The following PADI1 variants were observed in gnomAD, a reference collection of about 807,000 sequenced individuals.
The protein encoded by PADI1 is protein-arginine deiminase type-1.
In PADI1, 65 loss-of-function variants were observed where a neutral mutation model predicts 74.8. The ratio of observed to expected loss-of-function variants is 0.87; its 90% CI spans 0.71 to 1.07. The LOEUF is 1.07. Ranked by LOEUF, PADI1 falls within the 50% of genes least tolerant of loss-of-function variation. PADI1 has a pLI of 0.00. For synonymous variants in PADI1, 371 were observed against 336.2 expected (o/e 1.10, Z -1.13); for missense variants, 943 against 854.0 (o/e 1.10, Z -1.30).
intron 1 of PADI1, among the ~76,000 whole-genome samples, chr1:17,215,960 C>T (rs58184841): frequency 0.036 from 5,433 of 152,224 alleles, 150 homozygotes; most frequent in African/African-American, 0.078. Flanking sequence ...ATTTGTGTCA[C>T]GCCATTTGCA....
At position 17,227,281 on chromosome 1, in the gene PADI1, C is replaced by T. The variant is rs968897225; in HGVS notation, c.652+1123C>T. 2.7e-5 allele frequency among the ~76,000 whole-genome samples: 4 copies of T among 150,148 alleles called. No individual in the cohort carries two copies. In the South Asian group the frequency reaches 8.4e-4, roughly 31 times the overall value. ...AGAAAAAATTGGCCGGGCCCAGTGG[C>T]TCATGCCTATAATTCCAGCACTTTG... On this transcript the variant is annotated intron_variant, in intron 6 of 15. Coordinates refer to ENST00000375471, the MANE Select transcript of PADI1 (RefSeq NM_013358.3).
intron 12 of PADI1, 39 bp downstream of exon 12, chr1:17,237,497 T>G: frequency 6.4e-7 from 1 of 1,564,224 alleles, no homozygotes; most frequent in Non-Finnish European, 8.7e-7. Context: ...ACCTCTGCCC[T>G]TGTCTGACCT....
rs1454875895 is a variant in PADI1 at position 17,230,117 on chromosome 1, T to C, written c.962T>C (p.Phe321Ser). 6.2e-7 allele frequency: 1 copy of C among 1,614,004 alleles called. No homozygotes were observed. Among genetic ancestry groups the C allele is most frequent in the Non-Finnish European group, 8.5e-7 (1 of 1,179,890 alleles). ...VMDTHGSNEKFLEDMSYLTLK... is the reference protein window; with the variant it reads ...VMDTHGSNEKSLEDMSYLTLK... ...GACACTCATGGCTCCAATGAGAAAT[T>C]CCTGGAGGACATGTCTTATCTGACA... Residue 321 changes from phenylalanine to serine, a missense_variant, in exon 9 of 16, where the codon TTC becomes TCC. Phe to Ser is a radical substitution (Grantham distance 155). Transcript: ENST00000375471.
chr1:17,205,336 CT>C, intron 1 of PADI1, 27 bp downstream of exon 1: 1 of 1,562,094 alleles, frequency 6.4e-7, no homozygotes, highest in Non-Finnish European at 8.8e-7. Context: ...GCTCTCCTGG[CT>C]GCAGAGAGCT....
chr1:17,206,926 C>A lies in PADI1; in HGVS notation c.92+1617C>A, dbSNP rs1432100366. Among the ~76,000 whole-genome samples, 4 of 152,080 alleles carry A rather than the reference C, an allele frequency of 2.6e-5. 1 individual carries two copies. Among genetic ancestry groups the A allele is most frequent in the Admixed American group, 2.6e-4 (4 of 15,276 alleles). On this transcript the variant is annotated intron_variant, in intron 1 of 15. Transcript: ENST00000375471. ...AAACTCCTGACCTCAAGTGATCAAC[C>A]CACCTCGGCCTCCCAAAGTGCTGGG...
chr1:17,240,276 C>A, intron 14 of PADI1: 1 of 244,624 alleles, frequency 4.1e-6, no homozygotes, highest in Admixed American at 5.0e-5. Context: ...GGCAGGAGGG[C>A]CCTTACCCCT....
At chr1:17,223,779 G>A in intron 3 of PADI1, 86 bp downstream of exon 3, 2 of 1,111,264 alleles carry the variant, frequency 1.8e-6, no homozygotes, top group Non-Finnish European at 2.7e-6. Flanking sequence ...CCTTGGAGTG[G>A]AAGACCCATG....
intron 15 of PADI1, among the ~76,000 whole-genome samples, chr1:17,242,102 C>A (rs2072789906): frequency 6.6e-6 from 1 of 152,210 alleles, no homozygotes; most frequent in Non-Finnish European, 1.5e-5. Context: ...TGTAGCTCTA[C>A]TTCTGTTTTA....
intron 1 of PADI1, among the ~76,000 whole-genome samples, chr1:17,207,900 G>T (rs2071724065): frequency 6.6e-6 from 1 of 152,256 alleles, no homozygotes; most frequent in Admixed American, 6.5e-5. Flanking sequence ...GCAGCATAAG[G>T]AAGAGCTTCC....
chr1:17,228,834 G>A, intron 7 of PADI1, 37 bp downstream of exon 7: 2 of 1,608,948 alleles, frequency 1.2e-6, no homozygotes, highest in Non-Finnish European at 8.5e-7. Flanking sequence ...AGGAGGCTGA[G>A]GGGTTTGGGG....
intron 11 of PADI1, 33 bp downstream of exon 11, chr1:17,233,003 A>C (rs779778940): frequency 1.2e-5 from 18 of 1,563,478 alleles, no homozygotes; most frequent in Non-Finnish European, 1.4e-5. Flanking sequence ...GGGGAGGCAC[A>C]AGGGAATGAC....
chr1:17,210,149 A>T (rs2071796971), intron 1 of PADI1, among the ~76,000 whole-genome samples: 1 of 151,376 alleles, frequency 6.6e-6, no homozygotes, highest in East Asian at 1.9e-4. Context: ...CTAAGTTTTT[A>T]TTTTATTTTA....
intron 2 of PADI1, among the ~76,000 whole-genome samples, chr1:17,222,983 C>T (rs1017523654): frequency 3.4e-5 from 4 of 118,184 alleles, no homozygotes; most frequent in African/African-American, 1.6e-4. Context: ...ATGGCCCTTT[C>T]TCCCCGACAG....
intron 1 of PADI1, among the ~76,000 whole-genome samples, chr1:17,207,471 T>C (rs1557444666): frequency 6.6e-6 from 1 of 152,198 alleles, no homozygotes. Flanking sequence ...GGAAGATAAA[T>C]GAGCCCATGC....
chr1:17,227,918 T>C (rs2072368498), intron 6 of PADI1, among the ~76,000 whole-genome samples: 1 of 152,370 alleles, frequency 6.6e-6, no homozygotes, highest in Non-Finnish European at 1.5e-5. Flanking sequence ...AATGGAACCA[T>C]ACAATAGGCT....
Position 17,228,719 on chromosome 1 carries a change from C to T in PADI1, c.747C>T (p.Phe249=). ...ERQPGEQEIK[F]YVEGLTFPDA... is the part of the protein sequence containing the mutation. The stretch of plus-strand genomic sequence containing the variant: ...AGCCAGGGGAGCAGGAGATCAAGTT[C>T]TATGTGGAGGGGCTGACCTTCCCCG... The change falls in exon 7 of 16, where the codon TTC becomes TTT. Residue 249 remains phenylalanine, a synonymous_variant. Transcript: ENST00000375471. 2.5e-6 allele frequency: 4 copies of T among 1,614,200 alleles called. No homozygotes were observed. Among genetic ancestry groups the T allele is most frequent in the Non-Finnish European group, 3.4e-6 (4 of 1,180,026 alleles).
chr1:17,212,295 C>T (rs1421233856), intron 1 of PADI1, among the ~76,000 whole-genome samples: 2 of 152,210 alleles, frequency 1.3e-5, no homozygotes, highest in East Asian at 1.9e-4. Context: ...CCTGGCCAGG[C>T]GTGCAGGGGA....
At chr1:17,214,247 T>C (rs1287742865) in intron 1 of PADI1, among the ~76,000 whole-genome samples, 4 of 152,116 alleles carry the variant, frequency 2.6e-5, no homozygotes, top group Non-Finnish European at 2.9e-5. Context: ...AGTGACCCAG[T>C]TGGAGGCCAT....
chr1:17,207,455 T>C (rs1481407924), intron 1 of PADI1, among the ~76,000 whole-genome samples: 1 of 152,154 alleles, frequency 6.6e-6, no homozygotes, highest in Non-Finnish European at 1.5e-5. Context: ...TTATAATGGG[T>C]TCAGGGGAAG....
Sources: allele counts gnomAD v4.1 joint callset (sites outside exome capture counted in the v4.1 genomes callset), GRCh38; gene constraint gnomAD v4.1.1; transcripts MANE v1.5; gene names NCBI Gene and HGNC (gene_info 2026-07-23, HGNC 2026-07-21).